USP32: variants seen among roughly 807,000 people sequenced by gnomAD.
The protein encoded by USP32 is ubiquitin specific peptidase 32, also known as ubiquitin carboxyl-terminal hydrolase 32.
USP32 carries 59 observed loss-of-function variants against 204.8 expected under a neutral mutation model. That is an observed-to-expected ratio of 0.29 (90% CI 0.23 to 0.36). USP32 has a LOEUF of 0.36. Among genes scored for constraint, USP32 ranks in the 10% least tolerant of loss-of-function variants. The probability of loss-of-function intolerance (pLI) is 1.00; values close to 1 mark genes in which losing one functional copy is unlikely to be tolerated. For synonymous variants in USP32, 517 were observed against 678.4 expected (o/e 0.76, Z 3.70); for missense variants, 1,160 against 1,946.4 (o/e 0.60, Z 7.60).
rs1378065006 is a variant in USP32, at chr17:60,265,995, T to C, written c.908A>G (p.Asn303Ser). 9 of 1,613,932 alleles carry C rather than the reference T, an allele frequency of 5.6e-6. No homozygotes were observed. The highest frequency in any genetic ancestry group is 2.2e-5 in the East Asian group (1 of 44,856). The change falls in exon 8 of 34, where the codon AAC (asparagine) becomes AGC (serine). Residue 303 changes from asparagine (N) to serine (S), a missense_variant. Asn to Ser is a conservative substitution (Grantham distance 46, BLOSUM62 1). Around this residue, in one of 8 missense-constraint regions of USP32, gnomAD observed 536 missense variants for 680.9 expected, o/e 0.79. Transcript: ENST00000300896. Reference protein sequence around the residue: ...VVALLEVWKDNRTDDIPELHM... With the variant: ...VVALLEVWKDSRTDDIPELHM... ...ACTTACAGGAATATCATCAGTGCGG[T>C]TGTCCTTCCAGACTTCTAAAAGTGC...
intron 11 of USP32, chr17:60,249,601 G>T: frequency 5.0e-6 from 3 of 601,808 alleles, no homozygotes; most frequent in South Asian, 4.0e-5. Context: ...TCATGAATCA[G>T]ACTGACAGCC....
rs188015904 is a variant in USP32, at chr17:60,267,386, A to G, written c.812-1295T>C. Among the ~76,000 whole-genome samples, 214 of 152,250 alleles carry G rather than the reference A, an allele frequency of 1.4e-3. 1 individual carries two copies. Among genetic ancestry groups the G allele is most frequent in the African/African-American group, 4.8e-3 (198 of 41,572 alleles). On this transcript the variant is annotated intron_variant, in intron 7 of 33. Transcript: ENST00000300896. ...GCCCCTGCACTCCAGCCCAAGCAAC[A>G]GTGCGAGACTTCGTCTCAAAAAAGA...
At chr17:60,247,444 T>C (rs1340240437) in intron 11 of USP32, among the ~76,000 whole-genome samples, 2 of 152,118 alleles carry the variant, frequency 1.3e-5, no homozygotes. Context: ...CCTCCCAAAG[T>C]GCTGGGATTA....
At chr17:60,319,238 CA>C (rs1474054952) in intron 2 of USP32, among the ~76,000 whole-genome samples, 1 of 151,954 alleles carries the variant, frequency 6.6e-6, no homozygotes, top group African/African-American at 2.4e-5. Context: ...GTTAAAATGG[CA>C]AATATTATGT....
rs1024941886 is a variant in USP32 at position 60,177,429 on chromosome 17, G to T, written c.*1826C>A. ...CAAGTTTTATACAGTAATTTACAAG[G>T]TGAATGTAGTTAATAGTTAATTTAA... On this transcript the variant is annotated 3_prime_UTR_variant, in exon 34 of 34. Coordinates refer to ENST00000300896, the MANE Select transcript of USP32 (RefSeq NM_032582.4). Among the ~76,000 whole-genome samples the T allele has an allele frequency of 6.6e-6, 1 of 152,106 alleles. No individual in the cohort carries two copies. Among genetic ancestry groups the T allele is most frequent in the Non-Finnish European group, 1.5e-5 (1 of 68,026 alleles).
At chr17:60,419,817 AATT>A (rs113546748) in intron 1 of USP32, among the ~76,000 whole-genome samples, 50,054 of 138,282 alleles carry the variant, frequency 0.36, 9,728 homozygotes, top group Non-Finnish European at 0.42. Context: ...GGTTAAAAAA[AATT>A]ATTATTATTA....
intron 1 of USP32, among the ~76,000 whole-genome samples, chr17:60,346,175 G>T (rs1417888638): frequency 6.6e-6 from 1 of 151,700 alleles, no homozygotes; most frequent in African/African-American, 2.4e-5. Flanking sequence ...GAACTCCTGG[G>T]CTCAGGCAGT....
chr17:60,360,797 C>T (rs2089190607), intron 1 of USP32, among the ~76,000 whole-genome samples: 1 of 152,046 alleles, frequency 6.6e-6, no homozygotes, highest in Non-Finnish European at 1.5e-5. Flanking sequence ...ATTACACAAG[C>T]AGTAAGTGAA....
chr17:60,291,446 C>A (rs1168007589), intron 4 of USP32, among the ~76,000 whole-genome samples: 6 of 152,136 alleles, frequency 3.9e-5, no homozygotes, highest in Admixed American at 3.3e-4. Flanking sequence ...AATAATAAAG[C>A]ACAAGATAGA....
intron 2 of USP32, among the ~76,000 whole-genome samples, chr17:60,326,066 T>C (rs2088227336): frequency 6.6e-6 from 1 of 152,076 alleles, no homozygotes; most frequent in Admixed American, 6.5e-5. Flanking sequence ...TCTGGAACCC[T>C]GATAAAATTG....
At chr17:60,369,484 G>A (rs982939226) in intron 1 of USP32, among the ~76,000 whole-genome samples, 3 of 148,948 alleles carry the variant, frequency 2.0e-5, no homozygotes, top group African/African-American at 7.4e-5. Flanking sequence ...AATTTTGGGT[G>A]AATTTTAAAA....
At chr17:60,276,836 T>TGAAAAACATGGTCA (rs2086850491) in intron 5 of USP32, among the ~76,000 whole-genome samples, 1 of 152,004 alleles carries the variant, frequency 6.6e-6, no homozygotes, top group Non-Finnish European at 1.5e-5. Context: ...GTGAAAAACA[T>TGAAAAACATGGTCA]CCTTTAGTGC....
chr17:60,385,191 G>A (rs2089708717), intron 1 of USP32, among the ~76,000 whole-genome samples: 1 of 151,988 alleles, frequency 6.6e-6, no homozygotes, highest in Admixed American at 6.6e-5. Flanking sequence ...TCCCCCACTG[G>A]GCACCTCGTG....
At chr17:60,360,227 C>A (rs537757327) in intron 1 of USP32, among the ~76,000 whole-genome samples, 2 of 152,160 alleles carry the variant, frequency 1.3e-5, no homozygotes, top group Non-Finnish European at 2.9e-5. Flanking sequence ...GTAATCCCAG[C>A]ACTTTGGGAT....
At chr17:60,246,133 C>T (rs1299446739) in intron 11 of USP32, among the ~76,000 whole-genome samples, 1 of 151,902 alleles carries the variant, frequency 6.6e-6, no homozygotes, top group Non-Finnish European at 1.5e-5. Flanking sequence ...TTCTATCCAA[C>T]TGTATTTTTA....
intron 2 of USP32, among the ~76,000 whole-genome samples, chr17:60,316,881 T>C (rs547514437): frequency 2.6e-5 from 4 of 152,164 alleles, no homozygotes; most frequent in Non-Finnish European, 4.4e-5. Flanking sequence ...AGTTCTGATA[T>C]ACGCTACAAA....
Position 60,246,415 on chromosome 17 carries a change from T to TA in USP32, c.1136+5965_1136+5966insT, listed in dbSNP as rs1268629196. On this transcript the variant is annotated intron_variant, in intron 11 of 33. Transcript: ENST00000300896. ...TGTGTGTGTGTATATATATATATAT[T>TA]TTTTTTTTTTCTTTATCCATTCATC... Among the ~76,000 whole-genome samples, 513 of 135,778 alleles carry TA rather than the reference T, an allele frequency of 3.8e-3. 3 individuals carry two copies. Among genetic ancestry groups the TA allele is most frequent in the African/African-American group, 6.3e-3 (226 of 35,706 alleles). 89.1% of individuals were successfully genotyped at this position (135,778 alleles called of 152,430 possible).
At chr17:60,179,528 T>C (rs1384661850) in intron 33 of USP32, 100 bp from the exon 34 acceptor site, 2 of 1,464,666 alleles carry the variant, frequency 1.4e-6, no homozygotes, top group Non-Finnish European at 1.8e-6. Context: ...TTACTAAACC[T>C]GATTGCTTCC....
At chr17:60,220,678 C>G (rs1054921506) in intron 15 of USP32, among the ~76,000 whole-genome samples, 2 of 151,658 alleles carry the variant, frequency 1.3e-5, no homozygotes, top group African/African-American at 4.8e-5. Context: ...CAGTCTCGCT[C>G]TGTCACCCAG....
Sources: allele counts gnomAD v4.1 joint callset (sites outside exome capture counted in the v4.1 genomes callset), GRCh38; gene constraint gnomAD v4.1.1; regional missense constraint gnomAD v4.1.1; transcripts MANE v1.5; gene names NCBI Gene and HGNC (gene_info 2026-07-23, HGNC 2026-07-21).